Variants in DGKH observed in about 807,000 individuals in gnomAD.
DGKH encodes the protein DAG kinase eta.
A neutral mutation model predicts 159.3 loss-of-function variants in DGKH; 90 were observed. That is an observed-to-expected ratio of 0.57 (90% CI 0.48 to 0.67). The LOEUF (loss-of-function observed/expected upper bound fraction) is 0.67. DGKH is among the 30% of genes least tolerant of loss of function. DGKH has a pLI of 0.00. For missense variants in DGKH, 1,181 were observed against 1,506.1 expected, an observed-to-expected ratio of 0.78 and a Z score of 3.57; for synonymous variants, 536 against 553.8, an observed-to-expected ratio of 0.97 and a Z score of 0.45.
rs527741103 is a variant in DGKH at position 42,167,913 on chromosome 13, G to A, written c.1119-527G>A. 5.9e-5 allele frequency among the ~76,000 whole-genome samples: 9 copies of A among 152,182 alleles called. No homozygotes were observed. In the South Asian group the frequency reaches 8.3e-4, roughly 14 times the overall value. On this transcript the variant is annotated intron_variant, in intron 9 of 29. Transcript: ENST00000337343. ...GTGTACAAGGGTACATTTAGGAGAC[G>A]GGATGTGTCAAAAGTTGAGATGAGG...
chr13:42,222,516 CT>C (rs1958004961), intron 29 of DGKH, among the ~76,000 whole-genome samples: 1 of 152,072 alleles, frequency 6.6e-6, no homozygotes, highest in African/African-American at 2.4e-5. Flanking sequence ...AGTCCTAAAT[CT>C]GGAACATAGC....
chr13:42,194,930 A>G lies in DGKH; in HGVS notation c.2081A>G (p.His694Arg), dbSNP rs1408418333. ...CCAGATGCCCGGGCAAGTTATGGCC[A>G]TTCCCAAACTGATTCTGTCCCTGGT... ...RSPDARASYG[H>R]SQTDSVPGPA... Residue 694 changes from histidine (H) to arginine (R), a missense_variant, in exon 17 of 30, where the codon CAT becomes CGT. Coordinates refer to ENST00000337343, the MANE Select transcript of DGKH (RefSeq NM_178009.5). The G allele has an allele frequency of 1.9e-6, 3 of 1,613,944 alleles. No homozygotes were observed. Among genetic ancestry groups the G allele is most frequent in the African/African-American group, 1.3e-5 (1 of 74,916 alleles).
At chr13:42,217,896 T>C (rs1204642394) in intron 26 of DGKH, among the ~76,000 whole-genome samples, 1 of 152,110 alleles carries the variant, frequency 6.6e-6, no homozygotes, top group African/African-American at 2.4e-5. Flanking sequence ...TAGCCAGGCC[T>C]GGTGGCATGC....
intron 1 of DGKH, among the ~76,000 whole-genome samples, chr13:42,120,295 A>G (rs1479965490): frequency 6.6e-6 from 1 of 152,216 alleles, no homozygotes; most frequent in Middle Eastern, 3.2e-3. Context: ...AATTCAAATT[A>G]ATTTTTCTTA....
intron 3 of DGKH, among the ~76,000 whole-genome samples, chr13:42,134,933 T>G (rs889450802): frequency 6.6e-6 from 1 of 151,900 alleles, no homozygotes; most frequent in African/African-American, 2.4e-5. Flanking sequence ...GCCGAGATCG[T>G]GCCACTGCAC....
At chr13:42,074,746 CA>C (rs1883195369) in intron 1 of DGKH, among the ~76,000 whole-genome samples, 1 of 152,108 alleles carries the variant, frequency 6.6e-6, no homozygotes, top group South Asian at 2.1e-4. Flanking sequence ...GCTGGACTTA[CA>C]AAGACTAATG....
At position 42,233,126 on chromosome 13, in the gene DGKH, T is replaced by C. The variant is rs1958341096; in HGVS notation, c.*3938T>C. Reference sequence around the variant, plus strand: ...AGCCTGGGCAGCAGAGCAAGACCCCTACTCTTTAAAAAAATTAATTTAATT... The same window carrying C: ...AGCCTGGGCAGCAGAGCAAGACCCCCACTCTTTAAAAAAATTAATTTAATT... On this transcript the variant is annotated 3_prime_UTR_variant, in exon 30 of 30. Coordinates refer to ENST00000337343, the MANE Select transcript of DGKH (RefSeq NM_178009.5). 6.6e-6 allele frequency: 1 copy of C among 152,220 alleles called. No homozygotes were observed. 9.4% of individuals were successfully genotyped at this position (152,220 alleles called of 1,614,324 possible).
In DGKH at chr13:42,166,579, T is replaced by G; in HGVS notation, c.1023T>G (p.Ser341Arg). 2 of 1,607,916 alleles carry G rather than the reference T, an allele frequency of 1.2e-6. No individual in the cohort carries two copies. Among genetic ancestry groups the G allele is most frequent in the African/African-American group, 1.3e-5 (1 of 74,724 alleles). The stretch of plus-strand genomic sequence containing the variant: ...TATTGGTTTTTGTCAATTCTAAGAG[T>G]GGAGATAATCAGGGAGTAAAGTTCC... ...SPLLVFVNSK[S>R]GDNQGVKFLR... Residue 341 changes from serine (S) to arginine (R), a missense_variant, in exon 9 of 30, where the codon AGT becomes AGG. By Grantham distance (110) the Ser-to-Arg change is moderately radical. Transcript: ENST00000337343.
chr13:42,058,325 C>G (rs966195247), intron 1 of DGKH, among the ~76,000 whole-genome samples: 3 of 152,198 alleles, frequency 2.0e-5, no homozygotes, highest in Admixed American at 6.5e-5. Flanking sequence ...CTAGGACCTA[C>G]TGTACATCAT....
intron 29 of DGKH, 37 bp from the exon 30 acceptor site, chr13:42,229,062 T>G (rs1958221865): frequency 6.5e-7 from 1 of 1,548,156 alleles, no homozygotes; most frequent in African/African-American, 1.4e-5. Context: ...TCTTTCATTT[T>G]TAATTATTTC....
chr13:42,131,843 T>A (rs1042276255), intron 3 of DGKH, among the ~76,000 whole-genome samples: 3 of 152,248 alleles, frequency 2.0e-5, no homozygotes, highest in African/African-American at 7.2e-5. Context: ...TCTCAGTTTT[T>A]GAGACTACAG....
intron 23 of DGKH, among the ~76,000 whole-genome samples, chr13:42,209,855 T>C (rs1375981407): frequency 2.6e-5 from 4 of 152,210 alleles, no homozygotes; most frequent in African/African-American, 9.6e-5. Flanking sequence ...GAGTTGTACA[T>C]CTGTGAGTTT....
intron 5 of DGKH, among the ~76,000 whole-genome samples, chr13:42,156,851 G>A (rs528618554): frequency 4.6e-5 from 7 of 152,266 alleles, no homozygotes; most frequent in African/African-American, 1.7e-4. Flanking sequence ...TAAGAATAGA[G>A]CTCTTCAGTC....
chr13:42,154,146 G>T (rs1234366633), intron 3 of DGKH, among the ~76,000 whole-genome samples: 2 of 152,120 alleles, frequency 1.3e-5, no homozygotes, highest in African/African-American at 4.8e-5. Flanking sequence ...GAAGATTATT[G>T]CTTTTTCATT....
intron 1 of DGKH, among the ~76,000 whole-genome samples, chr13:42,104,091 G>A (rs964434784): frequency 1.3e-5 from 2 of 152,286 alleles, no homozygotes; most frequent in South Asian, 2.1e-4. Flanking sequence ...CTCTAATATA[G>A]CTTAAATATT....
At chr13:42,101,549 G>A (rs1266348120) in intron 1 of DGKH, among the ~76,000 whole-genome samples, 1 of 152,198 alleles carries the variant, frequency 6.6e-6, no homozygotes, top group African/African-American at 2.4e-5. Flanking sequence ...TTCCATCATT[G>A]CAGAAAGGTT....
intron 21 of DGKH, among the ~76,000 whole-genome samples, chr13:42,207,263 C>T (rs966436413): frequency 8.7e-5 from 13 of 150,090 alleles, no homozygotes; most frequent in Admixed American, 5.4e-4. Context: ...AATCTCAGCT[C>T]GCTACAACCT....
At chr13:42,173,477 C>T (rs955810182) in intron 11 of DGKH, among the ~76,000 whole-genome samples, 2 of 151,938 alleles carry the variant, frequency 1.3e-5, no homozygotes, top group African/African-American at 2.4e-5. Flanking sequence ...TAATATTTTC[C>T]CCCTACTCTC....
At chr13:42,178,298 T>C in intron 13 of DGKH, 78 bp downstream of exon 13, 1 of 1,133,732 alleles carries the variant, frequency 8.8e-7, no homozygotes, top group Admixed American at 2.4e-5. Context: ...GTCATTTCTT[T>C]GTGAGTTTTC....
Sources: allele counts gnomAD v4.1 joint callset (sites outside exome capture counted in the v4.1 genomes callset), GRCh38; gene constraint gnomAD v4.1.1; transcripts MANE v1.5; gene names NCBI Gene and HGNC (gene_info 2026-07-23, HGNC 2026-07-21).